PTPRD: variants seen among roughly 807,000 people sequenced by gnomAD.
PTPRD encodes receptor-type tyrosine-protein phosphatase delta.
Under a neutral mutation model 214.5 loss-of-function variants are expected in PTPRD, and 34 were observed. The ratio of observed to expected loss-of-function variants is 0.16; its 90% CI spans 0.12 to 0.21. PTPRD has a LOEUF of 0.21. Among genes scored for constraint, PTPRD ranks in the 10% least tolerant of loss-of-function variants. The pLI is 1.00. For synonymous variants in PTPRD, 1,128 were observed against 845.7 expected, an observed-to-expected ratio of 1.33 and a Z score of -5.79; for missense variants, 2,545 against 2,398.7, an observed-to-expected ratio of 1.06 and a Z score of -1.27.
chr9:10,181,842 G>A (rs2099291417), intron 3 of PTPRD, among the ~76,000 whole-genome samples: 1 of 132,916 alleles, frequency 7.5e-6, no homozygotes, highest in Non-Finnish European at 1.6e-5. Context: ...AAATGGGAAA[G>A]AAAAATCTAC....
intron 12 of PTPRD, among the ~76,000 whole-genome samples, chr9:8,701,868 AT>A (rs2098092679): frequency 6.6e-6 from 1 of 152,112 alleles, no homozygotes; most frequent in Admixed American, 6.5e-5. Context: ...AACTATACCT[AT>A]TTTCATACTT....
At chr9:9,372,777 T>C (rs965240768) in intron 9 of PTPRD, among the ~76,000 whole-genome samples, 1 of 152,148 alleles carries the variant, frequency 6.6e-6, no homozygotes, top group Non-Finnish European at 1.5e-5. Context: ...TGTTTAGTGC[T>C]TCCTTCAGGA....
intron 3 of PTPRD, among the ~76,000 whole-genome samples, chr9:10,091,467 A>G (rs1395634519): frequency 6.6e-6 from 1 of 151,590 alleles, no homozygotes; most frequent in African/African-American, 2.4e-5. Context: ...TCAAAAATAT[A>G]AAAATATACA....
intron 4 of PTPRD, among the ~76,000 whole-genome samples, chr9:9,952,400 C>T (rs190973451): frequency 3.9e-5 from 6 of 152,160 alleles, no homozygotes; most frequent in East Asian, 1.9e-4. Flanking sequence ...TGGCAACAAC[C>T]GGGAAATGGT....
chr9:8,440,289 G>A (rs541711455), intron 34 of PTPRD, among the ~76,000 whole-genome samples: 33 of 151,318 alleles, frequency 2.2e-4, no homozygotes, highest in Admixed American at 3.3e-4. Flanking sequence ...TCATCAGTTA[G>A]AAGCTACAAA....
chr9:9,228,969 T>G (rs959402809), intron 9 of PTPRD, among the ~76,000 whole-genome samples: 2 of 152,122 alleles, frequency 1.3e-5, no homozygotes, highest in East Asian at 1.9e-4. Context: ...GCACAAAGGC[T>G]TATCTATAAA....
intron 37 of PTPRD, among the ~76,000 whole-genome samples, chr9:8,387,132 G>C (rs1336756082): frequency 3.3e-5 from 5 of 152,172 alleles, no homozygotes; most frequent in African/African-American, 1.2e-4. Flanking sequence ...GCTTCCTTAG[G>C]CCATTTAACA....
rs1456735569 is a variant in PTPRD at position 9,605,989 on chromosome 9, C to G, written c.-286-31208G>C. Among the ~76,000 whole-genome samples the G allele has an allele frequency of 2.6e-5, 4 of 152,050 alleles. No individual in the cohort carries two copies. In the East Asian group the frequency reaches 7.7e-4, roughly 29 times the overall value. On this transcript the variant is annotated intron_variant, in intron 7 of 45. Coordinates refer to ENST00000381196, the MANE Select transcript of PTPRD (RefSeq NM_002839.4). Reference sequence around the variant, plus strand: ...TAAATAACTCATGCTAAAAAGGAATCTGTTATTATATTAACATCTCTTGAT... The same window carrying G: ...TAAATAACTCATGCTAAAAAGGAATGTGTTATTATATTAACATCTCTTGAT...
At chr9:9,294,200 A>G (rs1415451718) in intron 9 of PTPRD, among the ~76,000 whole-genome samples, 1 of 151,642 alleles carries the variant, frequency 6.6e-6, no homozygotes, top group Non-Finnish European at 1.5e-5. Flanking sequence ...AAACTTATGA[A>G]TTGTTTATTT....
intron 7 of PTPRD, among the ~76,000 whole-genome samples, chr9:9,666,338 A>T (rs940238897): frequency 6.6e-6 from 1 of 151,934 alleles, no homozygotes; most frequent in Admixed American, 6.6e-5. Flanking sequence ...TGTTTATTTT[A>T]AAAAGTAGTA....
At chr9:8,667,461 TC>T (rs1256042656) in intron 12 of PTPRD, among the ~76,000 whole-genome samples, 2 of 152,128 alleles carry the variant, frequency 1.3e-5, no homozygotes, top group Non-Finnish European at 1.5e-5. Flanking sequence ...AAATCTGAAA[TC>T]CAAAATGTTT....
At chr9:9,274,912 T>C (rs987306147) in intron 9 of PTPRD, among the ~76,000 whole-genome samples, 1 of 147,770 alleles carries the variant, frequency 6.8e-6, no homozygotes, top group South Asian at 2.1e-4. Context: ...CACCATTACA[T>C]ATCTTTCTTA....
chr9:10,060,845 T>TTTCTTTC (rs1555531286), intron 3 of PTPRD, among the ~76,000 whole-genome samples: 6 of 108,818 alleles, frequency 5.5e-5, no homozygotes, highest in African/African-American at 5.3e-4. Flanking sequence ...CCTTCCTTCC[T>TTTCTTTC]TTCCTTTCTT....
intron 11 of PTPRD, among the ~76,000 whole-genome samples, chr9:8,966,686 C>T (rs1304462301): frequency 1.3e-5 from 2 of 152,014 alleles, no homozygotes; most frequent in Admixed American, 1.3e-4. Context: ...CCCTTCTCAA[C>T]ATCAGCCTTG....
chr9:8,530,299 T>C (rs559966605), intron 14 of PTPRD, among the ~76,000 whole-genome samples: 34 of 152,102 alleles, frequency 2.2e-4, no homozygotes, highest in African/African-American at 8.2e-4. Flanking sequence ...TTTCTCAGCC[T>C]CTTAGGGATC....
chr9:8,694,252 G>A (rs2097862517), intron 12 of PTPRD, among the ~76,000 whole-genome samples: 3 of 152,026 alleles, frequency 2.0e-5, no homozygotes, highest in Admixed American at 1.3e-4. Flanking sequence ...AGGAATGGGA[G>A]ATATGAATAG....
At chr9:9,453,047 C>T (rs1217235601) in intron 8 of PTPRD, among the ~76,000 whole-genome samples, 1 of 146,566 alleles carries the variant, frequency 6.8e-6, no homozygotes, top group African/African-American at 2.5e-5. Flanking sequence ...CATATACATA[C>T]TGGAAATTTA....
At chr9:9,881,290 T>G (rs1028330287) in intron 5 of PTPRD, among the ~76,000 whole-genome samples, 8 of 152,200 alleles carry the variant, frequency 5.3e-5, no homozygotes, top group African/African-American at 1.7e-4. Context: ...GACTATCAGC[T>G]ATTTAATATC....
intron 5 of PTPRD, among the ~76,000 whole-genome samples, chr9:9,778,061 C>G: frequency 6.6e-6 from 1 of 152,136 alleles, no homozygotes. Flanking sequence ...AGAGACGCAG[C>G]TAGGAAGTGA....
Sources: allele counts gnomAD v4.1 joint callset (sites outside exome capture counted in the v4.1 genomes callset), GRCh38; gene constraint gnomAD v4.1.1; transcripts MANE v1.5; gene names NCBI Gene and HGNC (gene_info 2026-07-23, HGNC 2026-07-21).